Variants in NCOA1 observed in about 807,000 individuals in gnomAD.
NCOA1 encodes Hin-2 protein.
Under a neutral mutation model 150.9 loss-of-function variants are expected in NCOA1, and 35 were observed. The observed-to-expected ratio is 0.23, with a 90% confidence interval of 0.18 to 0.31. The LOEUF is 0.31. Ranked by LOEUF, NCOA1 falls within the 10% of genes least tolerant of loss-of-function variation. The pLI, the probability that NCOA1 is intolerant of heterozygous loss-of-function variation, is 1.00. For synonymous variants in NCOA1, 590 were observed against 630.0 expected (o/e 0.94, Z 0.95); for missense variants, 1,491 against 1,749.3 (o/e 0.85, Z 2.63).
chr2:24,702,099 G>A (rs1030544748), intron 11 of NCOA1, among the ~76,000 whole-genome samples: 5 of 152,198 alleles, frequency 3.3e-5, no homozygotes, highest in African/African-American at 9.7e-5. Context: ...ATAAAGTACC[G>A]ATATCAATGA....
chr2:24,622,120 C>G (rs1377724303), intron 3 of NCOA1, among the ~76,000 whole-genome samples: 1 of 152,176 alleles, frequency 6.6e-6, no homozygotes, highest in Non-Finnish European at 1.5e-5. Context: ...TGGTTTAATG[C>G]ACACTGACCT....
At chr2:24,554,574 G>A (rs1167199099) in intron 1 of NCOA1, 2 of 152,184 alleles carry the variant, frequency 1.3e-5, no homozygotes, top group Admixed American at 1.3e-4. Flanking sequence ...GGATGCTGAG[G>A]TCAGTCCAGA....
rs567703230 is a variant in NCOA1 at position 24,734,190 on chromosome 2, AAAG to A, written c.3201+4381_3201+4383del. The stretch of plus-strand genomic sequence containing the variant: ...GAAACTCCATCTCAAAAAAAAAAAA[AAAG>A]AAGAAAAAAGAAATTCACACTGTTC... On this transcript the variant is annotated intron_variant, in intron 17 of 22. Transcript: ENST00000348332. Among the ~76,000 whole-genome samples, 724 of 152,010 alleles carry A rather than the reference AAAG, an allele frequency of 4.8e-3. 3 individuals carry two copies. The highest frequency in any genetic ancestry group is 0.017 in the African/African-American group (693 of 41,452).
intron 3 of NCOA1, among the ~76,000 whole-genome samples, chr2:24,599,819 C>T (rs961336023): frequency 2.7e-5 from 4 of 150,664 alleles, no homozygotes; most frequent in Admixed American, 6.6e-5. Flanking sequence ...CAAACCTCTG[C>T]CTCCTGTTTT....
At chr2:24,721,399 T>G (rs1674352131) in intron 14 of NCOA1, among the ~76,000 whole-genome samples, 1 of 152,200 alleles carries the variant, frequency 6.6e-6, no homozygotes, top group African/African-American at 2.4e-5. Context: ...TGACTGTCTC[T>G]CCATATATAT....
intron 21 of NCOA1, 144 bp from the exon 22 acceptor site, chr2:24,762,543 G>T: frequency 2.8e-6 from 2 of 705,616 alleles, no homozygotes; most frequent in South Asian, 3.3e-5. Context: ...ATCCTGACTT[G>T]TAACAACACA....
At chr2:24,492,699 T>C (rs1260731635) in intron 1 of NCOA1, among the ~76,000 whole-genome samples, 1 of 151,092 alleles carries the variant, frequency 6.6e-6, no homozygotes, top group Non-Finnish European at 1.5e-5. Flanking sequence ...AGACGGTGAG[T>C]TTTTAATGTC....
intron 3 of NCOA1, among the ~76,000 whole-genome samples, chr2:24,643,059 G>A (rs1053901991): frequency 2.2e-4 from 34 of 152,262 alleles, no homozygotes; most frequent in African/African-American, 7.5e-4. Context: ...ATATGTATCT[G>A]TACATGTGCT....
At chr2:24,576,149 GTTT>G (rs1183405187) in intron 2 of NCOA1, among the ~76,000 whole-genome samples, 3 of 94,024 alleles carry the variant, frequency 3.2e-5, no homozygotes, top group Non-Finnish European at 6.1e-5. Context: ...TTTGGCCTTT[GTTT>G]TTTTTTTTTT....
At chr2:24,525,663 C>T (rs999240351) in intron 1 of NCOA1, among the ~76,000 whole-genome samples, 2 of 151,756 alleles carry the variant, frequency 1.3e-5, no homozygotes, top group South Asian at 2.1e-4. Context: ...TCTCCTGCCT[C>T]GGCCTTCTGG....
intron 1 of NCOA1, among the ~76,000 whole-genome samples, chr2:24,556,419 A>C (rs866854167): frequency 6.6e-6 from 1 of 152,312 alleles, no homozygotes; most frequent in East Asian, 1.9e-4. Context: ...ATGATTCCAC[A>C]TCTTTGCTAT....
Position 24,729,674 on chromosome 2 carries a change from G to A in NCOA1, c.3060G>A (p.Thr1020=), listed in dbSNP as rs200740728. The change falls in exon 17 of 23, where the codon ACG becomes ACA. Residue 1020 remains threonine, a synonymous_variant. Transcript: ENST00000348332. ...TCAGGCAAAAACCTTCACTGGGGAC[G>A]ATGCCTGTTCAAGTAACACCTCCCC... ...GMVRQKPSLG[T]MPVQVTPPRG... The A allele has an allele frequency of 5.5e-5, 88 of 1,613,996 alleles. No homozygotes were observed. Among genetic ancestry groups the A allele is most frequent in the African/African-American group, 8.0e-5 (6 of 74,894 alleles).
chr2:24,606,214 A>AT (rs1558832922), intron 3 of NCOA1, among the ~76,000 whole-genome samples: 2 of 151,358 alleles, frequency 1.3e-5, no homozygotes, highest in East Asian at 1.9e-4. Flanking sequence ...CATAATTTTT[A>AT]TTTTTTTATT....
At chr2:24,550,385 G>C (rs763484061) in intron 1 of NCOA1, among the ~76,000 whole-genome samples, 4 of 152,170 alleles carry the variant, frequency 2.6e-5, no homozygotes, top group Non-Finnish European at 5.9e-5. Flanking sequence ...ACATTTCCAC[G>C]TGGCTGGGGA....
intron 4 of NCOA1, among the ~76,000 whole-genome samples, chr2:24,644,733 C>A (rs1670386136): frequency 2.0e-5 from 3 of 151,956 alleles, no homozygotes; most frequent in African/African-American, 7.3e-5. Context: ...ACTGATAAAT[C>A]AGTAAGGGAA....
intron 3 of NCOA1, among the ~76,000 whole-genome samples, chr2:24,642,005 GGC>G (rs1190395505): frequency 6.1e-5 from 4 of 65,664 alleles, no homozygotes; most frequent in Admixed American, 2.1e-4. Flanking sequence ...GATTACAGAG[GGC>G]GTGTGTGTGT....
chr2:24,636,088 A>G (rs1425567739), intron 3 of NCOA1, among the ~76,000 whole-genome samples: 1 of 152,194 alleles, frequency 6.6e-6, no homozygotes. Flanking sequence ...TTACAAATGT[A>G]TTGTTAAAAA....
At chr2:24,537,804 T>G (rs1013505995) in intron 1 of NCOA1, among the ~76,000 whole-genome samples, 3 of 152,170 alleles carry the variant, frequency 2.0e-5, no homozygotes, top group Non-Finnish European at 4.4e-5. Flanking sequence ...TGTTTCTATC[T>G]ATCTATATAT....
At chr2:24,577,072 G>A (rs1020499844) in intron 2 of NCOA1, among the ~76,000 whole-genome samples, 4 of 152,006 alleles carry the variant, frequency 2.6e-5, no homozygotes, top group African/African-American at 9.7e-5. Flanking sequence ...TTATCTAACT[G>A]GTTGTCATTT....
Sources: allele counts gnomAD v4.1 joint callset (sites outside exome capture counted in the v4.1 genomes callset), GRCh38; gene constraint gnomAD v4.1.1; transcripts MANE v1.5; gene names NCBI Gene and HGNC (gene_info 2026-07-23, HGNC 2026-07-21).